The following CDH18 variants were observed in gnomAD, a reference collection of about 807,000 sequenced individuals.
CDH18 encodes the protein cadherin 18.
A neutral mutation model predicts 67.9 loss-of-function variants in CDH18; 31 were observed. The observed-to-expected ratio is 0.46, with a 90% CI of 0.34 to 0.62. The LOEUF (loss-of-function observed/expected upper bound fraction) is 0.62, where lower values mean the gene tolerates loss of function less well. Among genes scored for constraint, CDH18 ranks in the 20% least tolerant of loss-of-function variants. The probability of loss-of-function intolerance (pLI) is 0.01; values close to 1 mark genes in which losing one functional copy is unlikely to be tolerated. For synonymous variants in CDH18, 362 were observed against 347.2 expected (o/e 1.04, Z -0.48); for missense variants, 890 against 975.5 (o/e 0.91, Z 1.17).
At chr5:20,170,556 GATA>G (rs1483126310) in intron 2 of CDH18, among the ~76,000 whole-genome samples, 1 of 151,896 alleles carries the variant, frequency 6.6e-6, no homozygotes, top group Non-Finnish European at 1.5e-5. Context: ...TAATTTAGTG[GATA>G]ATAATATAAA....
At chr5:19,812,636 T>C (rs1232095877) in intron 3 of CDH18, among the ~76,000 whole-genome samples, 1 of 151,028 alleles carries the variant, frequency 6.6e-6, no homozygotes, top group Non-Finnish European at 1.5e-5. Flanking sequence ...CAACAAAAAT[T>C]TGTTAAGCAG....
intron 2 of CDH18, among the ~76,000 whole-genome samples, chr5:19,853,054 CTG>C (rs1783890873): frequency 6.6e-6 from 1 of 152,112 alleles, no homozygotes; most frequent in East Asian, 1.9e-4. Context: ...TCCAGTAAAA[CTG>C]TGAGAGGCAT....
chr5:19,481,379 A>T (rs1366414500), intron 12 of CDH18, among the ~76,000 whole-genome samples: 1 of 152,134 alleles, frequency 6.6e-6, no homozygotes, highest in African/African-American at 2.4e-5. Flanking sequence ...CATTTTTCTG[A>T]GTCCATTGAA....
intron 2 of CDH18, among the ~76,000 whole-genome samples, chr5:20,211,442 C>T (rs1364219283): frequency 1.3e-5 from 2 of 152,144 alleles, no homozygotes; most frequent in Non-Finnish European, 2.9e-5. Flanking sequence ...AGACTGCCTC[C>T]TCAAGTGGGT....
In CDH18 at chr5:20,279,639, C is replaced by A. The variant is rs1401003384; in HGVS notation, c.-579-24134G>T. On this transcript the variant is annotated intron_variant, in intron 1 of 14. Transcript: ENST00000507958. ...GCTTGAACCTGGGAGGTGGAGGTTGCAGTGAGCCGAGATCATGCCATTGCA... is the reference window on the plus strand; with the variant it reads ...GCTTGAACCTGGGAGGTGGAGGTTGAAGTGAGCCGAGATCATGCCATTGCA... Among the ~76,000 whole-genome samples the A allele has an allele frequency of 5.5e-5, 7 of 128,072 alleles. No individual in the cohort carries two copies. The South Asian group carries it at 1.7e-3, about 31-fold the overall frequency. The allele number at this position is 128,072 out of a possible 152,430, so 84.0% of individuals were successfully genotyped here.
chr5:19,723,956 C>T (rs1468782483), intron 4 of CDH18, among the ~76,000 whole-genome samples: 1 of 152,054 alleles, frequency 6.6e-6, no homozygotes, highest in Non-Finnish European at 1.5e-5. Flanking sequence ...GGTGATTTGC[C>T]CGCCTCAGCC....
chr5:20,514,852 C>T (rs1245446026), intron 1 of CDH18, among the ~76,000 whole-genome samples: 1 of 152,026 alleles, frequency 6.6e-6, no homozygotes, highest in Non-Finnish European at 1.5e-5. Context: ...CTCCAGCTAT[C>T]CTGTATGCCA....
At chr5:20,574,052 T>A (rs940145075) in intron 1 of CDH18, among the ~76,000 whole-genome samples, 14 of 150,932 alleles carry the variant, frequency 9.3e-5, no homozygotes, top group Non-Finnish European at 1.3e-4. Context: ...CCAACTGTAC[T>A]TTCCAAAATT....
intron 2 of CDH18, among the ~76,000 whole-genome samples, chr5:19,848,731 A>G (rs922996862): frequency 6.6e-6 from 1 of 151,940 alleles, no homozygotes; most frequent in Non-Finnish European, 1.5e-5. Flanking sequence ...TTTGAGGACT[A>G]CTGCAGAAGT....
chr5:20,388,425 A>AT (rs137871643), intron 1 of CDH18, among the ~76,000 whole-genome samples: 1 of 151,620 alleles, frequency 6.6e-6, no homozygotes, highest in Non-Finnish European at 1.5e-5. Flanking sequence ...CCCCTTTATC[A>AT]TTTTTTTATT....
chr5:19,662,798 T>C (rs763557953), intron 5 of CDH18, among the ~76,000 whole-genome samples: 9 of 152,082 alleles, frequency 5.9e-5, no homozygotes, highest in Admixed American at 1.3e-4. Context: ...TTTAAAATTA[T>C]AGCACTCTGT....
At chr5:19,986,585 A>T (rs958943811) in intron 1 of CDH18, among the ~76,000 whole-genome samples, 1 of 152,202 alleles carries the variant, frequency 6.6e-6, no homozygotes, top group African/African-American at 2.4e-5. Context: ...CACTAAGTGA[A>T]TGTCTTCTAG....
At chr5:20,444,009 G>T (rs958545343) in intron 1 of CDH18, among the ~76,000 whole-genome samples, 1 of 151,844 alleles carries the variant, frequency 6.6e-6, no homozygotes, top group Non-Finnish European at 1.5e-5. Context: ...ATCTCTGTAG[G>T]CATCAATTTT....
chr5:19,827,883 T>G (rs1780568279), intron 3 of CDH18, among the ~76,000 whole-genome samples: 1 of 151,952 alleles, frequency 6.6e-6, no homozygotes, highest in South Asian at 2.1e-4. Flanking sequence ...GAAGCTAAAC[T>G]GAAGGAAATT....
At chr5:20,264,723 T>C (rs1402895596) in intron 1 of CDH18, among the ~76,000 whole-genome samples, 1 of 152,120 alleles carries the variant, frequency 6.6e-6, no homozygotes, top group Non-Finnish European at 1.5e-5. Flanking sequence ...AAGTCACACA[T>C]AATAAAATAA....
intron 5 of CDH18, among the ~76,000 whole-genome samples, chr5:19,628,581 G>A (rs1241675967): frequency 6.6e-6 from 1 of 152,006 alleles, no homozygotes; most frequent in Non-Finnish European, 1.5e-5. Flanking sequence ...CAGGAATGAA[G>A]GATGATCCAA....
chr5:20,105,476 T>A (rs865797391), intron 2 of CDH18, among the ~76,000 whole-genome samples: 68 of 152,220 alleles, frequency 4.5e-4, no homozygotes, highest in African/African-American at 1.4e-3. Context: ...AGTATACAAC[T>A]CAGTGGTGCT....
intron 1 of CDH18, among the ~76,000 whole-genome samples, chr5:20,389,624 T>C (rs990424370): frequency 6.6e-6 from 1 of 152,088 alleles, no homozygotes; most frequent in African/African-American, 2.4e-5. Flanking sequence ...CTTCACAGAA[T>C]TGGGAAAAAC....
intron 1 of CDH18, among the ~76,000 whole-genome samples, chr5:20,375,338 T>A (rs1743327271): frequency 6.6e-6 from 1 of 152,204 alleles, no homozygotes; most frequent in Non-Finnish European, 1.5e-5. Flanking sequence ...ATTGATCATA[T>A]GATGTTTGGA....
Sources: gnomAD v4.1 joint callset for allele counts (sites outside exome capture counted in the v4.1 genomes callset) on GRCh38, gnomAD v4.1.1 for gene constraint, MANE v1.5 for transcripts, NCBI Gene and HGNC (gene_info 2026-07-23, HGNC 2026-07-21) for gene names.